GFPT2: variants seen among roughly 807,000 people sequenced by gnomAD.
GFPT2 encodes glutamine--fructose-6-phosphate aminotransferase [isomerizing] 2.
Under a neutral mutation model 85.6 loss-of-function variants are expected in GFPT2, and 62 were observed. That is an observed-to-expected ratio of 0.72 (90% CI 0.59 to 0.90). The LOEUF is 0.90. GFPT2 is among the 40% of genes least tolerant of loss of function. GFPT2 has a pLI of 0.00. For missense variants in GFPT2, 788 were observed against 893.4 expected, an observed-to-expected ratio of 0.88 and a Z score of 1.50; for synonymous variants, 368 against 344.5, an observed-to-expected ratio of 1.07 and a Z score of -0.75.
chr5:180,316,835 A>C lies in GFPT2; in HGVS notation c.1081T>G (p.Leu361Val). Residue 361 changes from leucine (L) to valine (V), a missense_variant, in exon 12 of 19, where the codon TTG becomes GTG. Coordinates refer to ENST00000253778, the MANE Select transcript of GFPT2 (RefSeq NM_005110.4). ...TVLLGGLKDHLKEIRRCRRLI... is the reference protein window; with the variant it reads ...TVLLGGLKDHVKEIRRCRRLI... ...CGTCGGCATCGTCGAATCTCCTTCA[A>C]GTGGTCCTTCAAGCCACCCAGGAGC... 6.2e-7 allele frequency: 1 copy of C among 1,614,042 alleles called. No individual in the cohort carries two copies. Among genetic ancestry groups the C allele is most frequent in the East Asian group, 2.2e-5 (1 of 44,890 alleles).
Position 180,301,416 on chromosome 5 carries a change from G to T in GFPT2, c.*148C>A. 1 of 719,690 alleles carries T rather than the reference G, an allele frequency of 1.4e-6. No individual in the cohort carries two copies. Among genetic ancestry groups the T allele is most frequent in the South Asian group, 1.7e-5 (1 of 59,950 alleles). 44.6% of individuals were successfully genotyped at this position (719,690 alleles called of 1,614,324 possible). ...GTATCTGCTGTAAGCAAAAGCACTT[G>T]GGTAGAAGGCACGTGGAAGCTGTCA... On this transcript the variant is annotated 3_prime_UTR_variant, in exon 19 of 19. Coordinates refer to ENST00000253778, the MANE Select transcript of GFPT2 (RefSeq NM_005110.4).
In GFPT2 at chr5:180,307,048, AG is replaced by A. The variant is rs993870203; in HGVS notation, c.1674+127del. 4 of 697,670 alleles carry A rather than the reference AG, an allele frequency of 5.7e-6. No individual in the cohort carries two copies. In the African/African-American group the frequency reaches 7.1e-5, roughly 12 times the overall value. 43.2% of individuals were successfully genotyped at this position (697,670 alleles called of 1,614,324 possible). A position where few individuals can be genotyped will look rare whatever the true frequency, so the allele number is the denominator to read the frequency against. On this transcript the variant is annotated intron_variant, in intron 16 of 18. Coordinates refer to ENST00000253778, the MANE Select transcript of GFPT2 (RefSeq NM_005110.4). ...GAGCTGGTGCTCAGCGCAGGCTCAC[AG>A]GACTGGCCAAGGGGTCCTTAGGCCC...
intron 1 of GFPT2, 139 bp downstream of exon 1, chr5:180,353,072 C>T (rs1284540653): frequency 3.0e-6 from 2 of 673,910 alleles, no homozygotes; most frequent in Non-Finnish European, 4.1e-6. Context: ...GACGACAGCC[C>T]CTCGGTAGGG....
intron 6 of GFPT2, among the ~76,000 whole-genome samples, chr5:180,329,262 T>A (rs770174858): frequency 3.9e-5 from 6 of 152,180 alleles, no homozygotes; most frequent in Admixed American, 2.0e-4. Context: ...GCCAGGAACC[T>A]GAGTCACCGT....
intron 6 of GFPT2, among the ~76,000 whole-genome samples, chr5:180,329,110 G>A (rs181278024): frequency 6.6e-6 from 1 of 152,222 alleles, no homozygotes; most frequent in African/African-American, 2.4e-5. Flanking sequence ...CTAACTTACC[G>A]CAACCCTAGC....
intron 18 of GFPT2, among the ~76,000 whole-genome samples, chr5:180,302,147 C>T (rs2127645026): frequency 6.6e-6 from 1 of 150,762 alleles, no homozygotes; most frequent in East Asian, 2.0e-4. Context: ...ATTAGCCAGG[C>T]ATGGTGGCGG....
At chr5:180,322,017 G>C (rs1764132148) in intron 9 of GFPT2, among the ~76,000 whole-genome samples, 1 of 151,988 alleles carries the variant, frequency 6.6e-6, no homozygotes, top group African/African-American at 2.4e-5. Context: ...TCGATCTCCT[G>C]ATCTCATGAT....
At chr5:180,340,971 G>A (rs1156548934) in intron 1 of GFPT2, among the ~76,000 whole-genome samples, 1 of 152,110 alleles carries the variant, frequency 6.6e-6, no homozygotes, top group Non-Finnish European at 1.5e-5. Flanking sequence ...CCACAACAGC[G>A]ACTCGCCTCA....
intron 1 of GFPT2, among the ~76,000 whole-genome samples, chr5:180,342,045 A>G (rs1023358566): frequency 2.6e-5 from 4 of 152,136 alleles, no homozygotes; most frequent in African/African-American, 9.7e-5. Flanking sequence ...GTGAGAGTGA[A>G]TAAGTCTCAT....
chr5:180,343,729 T>G (rs906027785), intron 1 of GFPT2, among the ~76,000 whole-genome samples: 3 of 152,284 alleles, frequency 2.0e-5, no homozygotes. Flanking sequence ...GAATTTCTCC[T>G]GCTATTTACA....
intron 1 of GFPT2, chr5:180,352,228 A>ACC: frequency 2.8e-6 from 1 of 354,344 alleles, no homozygotes; most frequent in South Asian, 2.1e-5. Context: ...CCGCGGGCGC[A>ACC]CCCCACCCCG....
intron 9 of GFPT2, 61 bp downstream of exon 9, chr5:180,324,127 T>A (rs1764168393): frequency 6.4e-6 from 6 of 940,598 alleles, no homozygotes; most frequent in Non-Finnish European, 1.0e-5. Context: ...ACCGGCAGTG[T>A]TTAGACAGGC....
intron 1 of GFPT2, chr5:180,352,233 A>G: frequency 2.9e-6 from 1 of 344,886 alleles, no homozygotes; most frequent in African/African-American, 2.5e-5. Flanking sequence ...GGCGCACCCC[A>G]CCCCGGCCCT....
intron 15 of GFPT2, among the ~76,000 whole-genome samples, chr5:180,311,796 G>A (rs564349638): frequency 1.9e-3 from 291 of 152,278 alleles, no homozygotes; most frequent in African/African-American, 6.5e-3. Context: ...GGGCCTCTGT[G>A]AGCATGGCCA....
At chr5:180,316,511 A>G (rs1764013345) in intron 12 of GFPT2, 50 bp from the exon 13 acceptor site, 2 of 1,607,784 alleles carry the variant, frequency 1.2e-6, no homozygotes, top group South Asian at 1.1e-5. Context: ...CAGGCACGAC[A>G]GGGACATGGG....
chr5:180,330,284 T>C lies in GFPT2; in HGVS notation c.534+416A>G, dbSNP rs997625393. The stretch of plus-strand genomic sequence containing the variant: ...TTGCAGTGAGCCAAGATCACACCAC[T>C]GCACTCCAGCCTGTGCAACAGAGTG... On this transcript the variant is annotated intron_variant, in intron 6 of 18. Transcript: ENST00000253778. The surrounding 1 kb of genome is among the most constrained non-coding windows in gnomAD (Gnocchi z 4.4). 7.9e-5 allele frequency among the ~76,000 whole-genome samples: 12 copies of C among 152,242 alleles called. No homozygotes were observed. Among genetic ancestry groups the C allele is most frequent in the African/African-American group, 2.2e-4 (9 of 41,528 alleles).
intron 9 of GFPT2, among the ~76,000 whole-genome samples, chr5:180,319,175 A>G (rs993616563): frequency 3.9e-5 from 6 of 152,244 alleles, no homozygotes; most frequent in African/African-American, 1.4e-4. Flanking sequence ...CCCAGACATT[A>G]TATCATTTCT....
Position 180,301,670 on chromosome 5 carries a change from C to A in GFPT2, c.2005-62G>T, listed in dbSNP as rs1490518653. On this transcript the variant is annotated intron_variant, in intron 18 of 18. Coordinates refer to ENST00000253778, the MANE Select transcript of GFPT2 (RefSeq NM_005110.4). ...GATCTCAGCAACATGCTACCTCTCA[C>A]AGACAATTTTCAGAGTACTTAAAAA... 25 of 1,342,050 alleles carry A rather than the reference C, an allele frequency of 1.9e-5. 1 individual carries two copies. In the South Asian group the frequency reaches 2.7e-4, roughly 14 times the overall value. 83.1% of individuals were successfully genotyped at this position (1,342,050 alleles called of 1,614,324 possible). A position where few individuals can be genotyped will look rare whatever the true frequency, so the allele number is the denominator to read the frequency against.
chr5:180,317,038 G>A lies in GFPT2; in HGVS notation c.979C>T (p.Gln327Ter). 6.2e-7 allele frequency: 1 copy of A among 1,605,332 alleles called. No homozygotes were observed. Among genetic ancestry groups the A allele is most frequent in the Non-Finnish European group, 8.5e-7 (1 of 1,171,946 alleles). ...TCTGGCTGTTCGAAGATCTCCTTCTGCATAAACGCACTGAAGTTACCTGGT... is the reference window on the plus strand; with the variant it reads ...TCTGGCTGTTCGAAGATCTCCTTCTACATAAACGCACTGAAGTTACCTGGT... ...IMKGNFSAFM[Q>*]KEIFEQPESV... Residue 327 changes from glutamine (Q) to a stop codon, truncating the protein, a stop_gained, in exon 11 of 19, where the codon CAG becomes TAG. Transcript: ENST00000253778. LOFTEE classifies it high-confidence loss of function.
Sources: allele counts gnomAD v4.1 joint callset (sites outside exome capture counted in the v4.1 genomes callset), GRCh38; gene constraint gnomAD v4.1.1; non-coding constraint Gnocchi (gnomAD v3.1); transcripts MANE v1.5; gene names NCBI Gene and HGNC (gene_info 2026-07-23, HGNC 2026-07-21).